COL22A1: variants seen among roughly 807,000 people sequenced by gnomAD.
The protein encoded by COL22A1 is collagen alpha-1(XXII) chain.
In COL22A1, 221 loss-of-function variants were observed where a neutral mutation model predicts 248.9. The ratio of observed to expected loss-of-function variants is 0.89; its 90% CI spans 0.80 to 0.99. The LOEUF (loss-of-function observed/expected upper bound fraction) is 0.99. COL22A1 is among the 50% of genes least tolerant of loss of function. COL22A1 has a pLI of 0.00. For synonymous variants in COL22A1, 891 were observed against 793.4 expected (o/e 1.12, Z -2.07); for missense variants, 2,240 against 2,179.0 (o/e 1.03, Z -0.56).
intron 52 of COL22A1, 59 bp downstream of exon 52, chr8:138,623,670 AGTT>A: frequency 7.1e-7 from 1 of 1,402,054 alleles, no homozygotes; most frequent in Non-Finnish European, 9.9e-7. Context: ...CACACAAAGT[AGTT>A]GTTTTTGACA....
chr8:138,666,374 A>G (rs1824504526), intron 41 of COL22A1, among the ~76,000 whole-genome samples: 1 of 152,236 alleles, frequency 6.6e-6, no homozygotes, highest in Non-Finnish European at 1.5e-5. Flanking sequence ...TACATGGATC[A>G]TCTCTCACTT....
intron 49 of COL22A1, among the ~76,000 whole-genome samples, chr8:138,634,610 C>T (rs1820992872): frequency 6.6e-6 from 1 of 152,152 alleles, no homozygotes; most frequent in African/African-American, 2.4e-5. Context: ...CAGTGGAGAT[C>T]ATTGAGATAA....
intron 9 of COL22A1, among the ~76,000 whole-genome samples, chr8:138,811,370 TAC>T (rs1818212901): frequency 7.2e-6 from 1 of 138,162 alleles, no homozygotes; most frequent in East Asian, 2.0e-4. Flanking sequence ...TATATATATA[TAC>T]ACGTGTATAT....
In COL22A1 at chr8:138,688,928, G is replaced by T. The variant is rs201625988; in HGVS notation, c.2851C>A (p.Arg951Ser). 6.2e-7 allele frequency: 1 copy of T among 1,612,614 alleles called. No homozygotes were observed. The highest frequency in any genetic ancestry group is 8.5e-7 in the Non-Finnish European group (1 of 1,178,924). Residue 951 changes from arginine (R) to serine (S), a missense_variant, in exon 37 of 65, where the codon CGT becomes AGT. Physicochemically the swap from Arg to Ser is moderately radical, Grantham distance 110. Transcript: ENST00000303045. ...CATATTGGTCTTACCTTCTCACCAC[G>T]CTCCCCATCTTTCCCTGGGGTGCCT... is the stretch of plus-strand genomic sequence containing the variant. Reference protein sequence around the residue: ...LRGTPGKDGERGEKGAAGEEG... With the variant: ...LRGTPGKDGESGEKGAAGEEG...
At chr8:138,592,975 C>T (rs1413134946) in intron 63 of COL22A1, among the ~76,000 whole-genome samples, 1 of 152,106 alleles carries the variant, frequency 6.6e-6, no homozygotes, top group African/African-American at 2.4e-5. Context: ...CCCAAATGCC[C>T]ATCAATGATA....
chr8:138,711,828 G>T (rs1344499276), intron 30 of COL22A1, among the ~76,000 whole-genome samples: 1 of 152,160 alleles, frequency 6.6e-6, no homozygotes, highest in East Asian at 1.9e-4. Context: ...TGGGTGTGTG[G>T]GTGCCATTCC....
intron 10 of COL22A1, among the ~76,000 whole-genome samples, chr8:138,804,780 G>T (rs1388328135): frequency 3.1e-5 from 4 of 131,130 alleles, no homozygotes; most frequent in African/African-American, 1.5e-4. Context: ...TGTGTGTGAT[G>T]AGGTGCGTGT....
intron 12 of COL22A1, among the ~76,000 whole-genome samples, chr8:138,783,255 C>T (rs957938028): frequency 2.0e-4 from 31 of 152,010 alleles, no homozygotes; most frequent in African/African-American, 4.4e-4. Flanking sequence ...GGGACAATCA[C>T]GGTGTATTAG....
intron 12 of COL22A1, among the ~76,000 whole-genome samples, chr8:138,784,445 A>T (rs957672453): frequency 2.0e-5 from 3 of 152,150 alleles, no homozygotes; most frequent in Non-Finnish European, 4.4e-5. Context: ...CTCCAGTTAC[A>T]CATCAGCAAA....
chr8:138,625,164 G>A (rs182845667), intron 51 of COL22A1, among the ~76,000 whole-genome samples: 4 of 152,232 alleles, frequency 2.6e-5, no homozygotes, highest in East Asian at 1.9e-4. Flanking sequence ...AAGGAAGATC[G>A]AACCTCTCCT....
intron 58 of COL22A1, 51 bp downstream of exon 58, chr8:138,606,330 A>G: frequency 6.7e-7 from 1 of 1,493,018 alleles, no homozygotes; most frequent in Non-Finnish European, 9.2e-7. Context: ...GCATGTGAAC[A>G]TCACTACCTG....
intron 7 of COL22A1, among the ~76,000 whole-genome samples, chr8:138,817,470 C>A (rs558926545): frequency 6.6e-6 from 1 of 152,270 alleles, no homozygotes; most frequent in African/African-American, 2.4e-5. Context: ...TCAGGCAAGA[C>A]AGGTGCAGGC....
At chr8:138,719,059 A>G (rs1399271740) in intron 27 of COL22A1, among the ~76,000 whole-genome samples, 1 of 152,220 alleles carries the variant, frequency 6.6e-6, no homozygotes, top group African/African-American at 2.4e-5. Flanking sequence ...TTGAGGAAAC[A>G]CAACCATAAG....
Position 138,602,120 on chromosome 8 carries a change from C to T in COL22A1, c.4180G>A (p.Glu1394Lys). ...GKPGEPGFKG[E>K]RGDPGIKGDK... ...TGCCTGTGCTCTCCACTCACCCTTTCTCCTTTGAATCCAGGCTCTCCAGGC... is the reference window on the plus strand; with the variant it reads ...TGCCTGTGCTCTCCACTCACCCTTTTTCCTTTGAATCCAGGCTCTCCAGGC... The change falls in exon 60 of 65, where the codon GAA becomes AAA. Residue 1394 changes from glutamate to lysine, a missense_variant. By Grantham distance (56) the Glu-to-Lys change is moderately conservative. Coordinates refer to ENST00000303045, the MANE Select transcript of COL22A1 (RefSeq NM_152888.3). The T allele has an allele frequency of 6.2e-7, 1 of 1,614,152 alleles. No homozygotes were observed. Among genetic ancestry groups the T allele is most frequent in the South Asian group, 1.1e-5 (1 of 91,084 alleles).
intron 18 of COL22A1, among the ~76,000 whole-genome samples, chr8:138,757,062 C>T (rs1034870648): frequency 6.6e-6 from 1 of 152,216 alleles, no homozygotes; most frequent in Non-Finnish European, 1.5e-5. Context: ...CACACGAGCA[C>T]ATATTCTCAC....
chr8:138,730,504 C>G (rs1404456116), intron 23 of COL22A1, among the ~76,000 whole-genome samples: 1 of 152,088 alleles, frequency 6.6e-6, no homozygotes, highest in Non-Finnish European at 1.5e-5. Context: ...CCTCTGGTGT[C>G]CCGGGAAAAG....
At chr8:138,716,640 C>G (rs557833870) in intron 28 of COL22A1, among the ~76,000 whole-genome samples, 185 bp downstream of exon 28, 4 of 152,154 alleles carry the variant, frequency 2.6e-5, no homozygotes, top group African/African-American at 7.2e-5. Context: ...GCCCCCAACA[C>G]CTGCAGGCCA....
At chr8:138,641,549 A>T (rs1205048759) in intron 47 of COL22A1, among the ~76,000 whole-genome samples, 2 of 152,084 alleles carry the variant, frequency 1.3e-5, no homozygotes, top group Admixed American at 1.3e-4. Context: ...TGCAGCAACG[A>T]TCTCCAGACC....
intron 22 of COL22A1, among the ~76,000 whole-genome samples, chr8:138,743,288 A>G (rs1469006308): frequency 9.7e-6 from 1 of 102,878 alleles, no homozygotes; most frequent in African/African-American, 4.2e-5. Context: ...GATGGTGGAG[A>G]TGATGGTGAT....
Sources: allele counts gnomAD v4.1 joint callset (sites outside exome capture counted in the v4.1 genomes callset), GRCh38; gene constraint gnomAD v4.1.1; transcripts MANE v1.5; gene names NCBI Gene and HGNC (gene_info 2026-07-23, HGNC 2026-07-21).